The following TCERG1L variants were observed in gnomAD, a reference collection of about 807,000 sequenced individuals.
TCERG1L encodes transcription elongation regulator 1 like, also known as transcription elongation regulator 1-like protein.
Under a neutral mutation model 56.3 loss-of-function variants are expected in TCERG1L, and 37 were observed. The observed-to-expected ratio is 0.66, with a 90% confidence interval of 0.51 to 0.87. The LOEUF is 0.87. Ranked by LOEUF, TCERG1L falls within the 40% of genes least tolerant of loss-of-function variation. The pLI, the probability that TCERG1L is intolerant of heterozygous loss-of-function variation, is 0.00. For missense variants in TCERG1L, 799 were observed against 774.2 expected (o/e 1.03, Z -0.38); for synonymous variants, 324 against 326.3 (o/e 0.99, Z 0.08).
rs184316016 is a variant in TCERG1L at position 131,267,345 on chromosome 10, G to A, written c.671-6901C>T. Among the ~76,000 whole-genome samples, 1 of 152,174 alleles carries A rather than the reference G, an allele frequency of 6.6e-6. No individual in the cohort carries two copies. The highest frequency in any genetic ancestry group is 2.4e-5 in the African/African-American group (1 of 41,440). Reference sequence around the variant, plus strand: ...GGATCGGAGTAAGCACTGGAAGCAGGGAGAGGCCAGGCAGCAGGAGCAGAT... The same window carrying A: ...GGATCGGAGTAAGCACTGGAAGCAGAGAGAGGCCAGGCAGCAGGAGCAGAT... On this transcript the variant is annotated intron_variant, in intron 3 of 11. Coordinates refer to ENST00000368642, the MANE Select transcript of TCERG1L (RefSeq NM_174937.4). The surrounding 1 kb of genome is among the most constrained non-coding windows in gnomAD (Gnocchi z 4.9).
chr10:131,242,362 G>GT (rs1291043406), intron 4 of TCERG1L, among the ~76,000 whole-genome samples: 17 of 152,334 alleles, frequency 1.1e-4, no homozygotes, highest in African/African-American at 4.1e-4. Flanking sequence ...TTGGCAATGT[G>GT]TAAGAGAAAG....
intron 4 of TCERG1L, among the ~76,000 whole-genome samples, chr10:131,199,564 T>G (rs935161242): frequency 1.3e-5 from 2 of 152,152 alleles, no homozygotes; most frequent in African/African-American, 4.8e-5. Flanking sequence ...AAATAAACTT[T>G]TTATCTGAGG....
intron 4 of TCERG1L, among the ~76,000 whole-genome samples, chr10:131,186,242 GT>G (rs1241332613): frequency 2.0e-5 from 3 of 151,908 alleles, no homozygotes; most frequent in South Asian, 2.1e-4. Context: ...CCAGTAAGGA[GT>G]TTTTTTTCAG....
chr10:131,223,393 G>A (rs895973775), intron 4 of TCERG1L, among the ~76,000 whole-genome samples: 1 of 152,220 alleles, frequency 6.6e-6, no homozygotes, highest in Non-Finnish European at 1.5e-5. Context: ...CCTTTTGGTT[G>A]CCAAAGCTTG....
At chr10:131,239,766 G>C (rs1845951682) in intron 4 of TCERG1L, among the ~76,000 whole-genome samples, 1 of 152,252 alleles carries the variant, frequency 6.6e-6, no homozygotes, top group East Asian at 1.9e-4. Flanking sequence ...CCCGCATAAA[G>C]GGGATCGTAT....
At chr10:131,167,975 C>T (rs1846049892) in intron 4 of TCERG1L, among the ~76,000 whole-genome samples, 1 of 152,152 alleles carries the variant, frequency 6.6e-6, no homozygotes, top group Non-Finnish European at 1.5e-5. Flanking sequence ...TAGATAAGTT[C>T]TCAAAGGAAA....
chr10:131,311,379 G>A lies in TCERG1L; in HGVS notation c.257C>T (p.Pro86Leu). ...GLPGWPAPSE[P>L]VLPLLPLPSA... ...GGGCAGCGGCAGCAGCGGGAGCACC[G>A]GCTCGCTCGGGGCCGGCCAGCCGGG... The change falls in exon 1 of 12, where the codon CCG (proline) becomes CTG (leucine). Residue 86 changes from proline to leucine, a missense_variant. By Grantham distance (98) the Pro-to-Leu change is moderately conservative. Transcript: ENST00000368642. The surrounding 1 kb of genome is among the most constrained non-coding windows in gnomAD (Gnocchi z 4.0). The A allele has an allele frequency of 2.5e-6, 3 of 1,193,136 alleles. No homozygotes were observed. Among genetic ancestry groups the A allele is most frequent in the Non-Finnish European group, 3.1e-6 (3 of 964,552 alleles). 73.9% of individuals were successfully genotyped at this position (1,193,136 alleles called of 1,614,324 possible).
chr10:131,134,533 A>T, intron 7 of TCERG1L, 85 bp from the exon 8 acceptor site: 1 of 979,680 alleles, frequency 1.0e-6, no homozygotes, highest in Non-Finnish European at 1.6e-6. Context: ...ACTTTCAAGT[A>T]GACTTATCTA....
At chr10:131,148,673 A>AGGCTGGAGAAAGGAATCACG (rs577737473) in intron 6 of TCERG1L, among the ~76,000 whole-genome samples, 40,832 of 151,788 alleles carry the variant, frequency 0.27, 6,057 homozygotes, top group Admixed American at 0.36. Context: ...CCTGGCCTTG[A>AGGCTGGAGAAAGGAATCACG]GGCTGGAGAA....
chr10:131,223,065 C>T (rs1334389436), intron 4 of TCERG1L, among the ~76,000 whole-genome samples: 1 of 152,170 alleles, frequency 6.6e-6, no homozygotes, highest in Non-Finnish European at 1.5e-5. Context: ...TCTTAGTGCC[C>T]CTGATCAACC....
chr10:131,112,239 C>T (rs1481075632), intron 9 of TCERG1L, among the ~76,000 whole-genome samples: 1 of 142,912 alleles, frequency 7.0e-6, no homozygotes, highest in Non-Finnish European at 1.6e-5. Context: ...CCCCTGTCCC[C>T]GAGCTCTGTC....
intron 3 of TCERG1L, among the ~76,000 whole-genome samples, chr10:131,275,888 C>T (rs1335307761): frequency 1.3e-5 from 2 of 152,152 alleles, no homozygotes; most frequent in Non-Finnish European, 2.9e-5. Flanking sequence ...TGGACGTGGA[C>T]GCCTGGGCAT....
At chr10:131,123,549 G>C (rs896289883) in intron 8 of TCERG1L, among the ~76,000 whole-genome samples, 5 of 152,170 alleles carry the variant, frequency 3.3e-5, no homozygotes, top group Non-Finnish European at 1.5e-5. Context: ...AGAGGTCTGC[G>C]AGGATGCAGA....
At position 131,260,187 on chromosome 10, in the gene TCERG1L, G is replaced by A. The variant is rs1038018288; in HGVS notation, c.856+72C>T. ...CCACAGCGCCTGGGCCCAGGCCAGG[G>A]GCATCTAACCAGGAAGCCTCCGCGC... On this transcript the variant is annotated intron_variant, in intron 4 of 11. Coordinates refer to ENST00000368642, the MANE Select transcript of TCERG1L (RefSeq NM_174937.4). The surrounding 1 kb of genome is among the most constrained non-coding windows in gnomAD (Gnocchi z 5.8). 1.6e-6 allele frequency: 2 copies of A among 1,268,790 alleles called. No homozygotes were observed. The highest frequency in any genetic ancestry group is 2.0e-6 in the Non-Finnish European group (2 of 1,006,292). 78.6% of individuals were successfully genotyped at this position (1,268,790 alleles called of 1,614,324 possible).
chr10:131,272,124 C>T (rs1219204523), intron 3 of TCERG1L, among the ~76,000 whole-genome samples: 2 of 152,144 alleles, frequency 1.3e-5, no homozygotes, highest in African/African-American at 4.8e-5. Flanking sequence ...GCAGGGACTC[C>T]GTCAACAGCA....
Position 131,311,182 on chromosome 10 carries a change from G to C in TCERG1L, c.342+112C>G, listed in dbSNP as rs903205474. 25 of 874,788 alleles carry C rather than the reference G, an allele frequency of 2.9e-5. No individual in the cohort carries two copies. Among genetic ancestry groups the C allele is most frequent in the South Asian group, 5.6e-5 (1 of 17,970 alleles). 54.2% of individuals were successfully genotyped at this position (874,788 alleles called of 1,614,324 possible). A position where few individuals can be genotyped will look rare whatever the true frequency, so the allele number is the denominator to read the frequency against. ...CGTCCTGAGGGTTTGGGGCGGCGAG[G>C]ACCGCCGGGGAGGAGGGCGCGCGAG... is the stretch of plus-strand genomic sequence containing the variant. On this transcript the variant is annotated intron_variant, in intron 1 of 11. Transcript: ENST00000368642. The surrounding 1 kb of genome is among the most constrained non-coding windows in gnomAD (Gnocchi z 4.0).
intron 4 of TCERG1L, among the ~76,000 whole-genome samples, chr10:131,240,250 A>T (rs1053964775): frequency 6.6e-6 from 1 of 152,176 alleles, no homozygotes; most frequent in Non-Finnish European, 1.5e-5. Context: ...GCAGCTGAGC[A>T]TCAGATCCCT....
intron 9 of TCERG1L, among the ~76,000 whole-genome samples, chr10:131,109,331 G>C (rs1257801209): frequency 6.6e-6 from 1 of 152,152 alleles, no homozygotes; most frequent in African/African-American, 2.4e-5. Flanking sequence ...CTGACGAACA[G>C]TGACAGTGAT....
In TCERG1L at chr10:131,230,584, G is replaced by A. The variant is rs534823671; in HGVS notation, c.856+29675C>T. On this transcript the variant is annotated intron_variant, in intron 4 of 11. Transcript: ENST00000368642. ...GGGCCCAGATTACAGGAGAGGCTGA[G>A]TCAAATCGTATCTCAGCTAAGCCTC... 3.3e-5 allele frequency among the ~76,000 whole-genome samples: 5 copies of A among 152,364 alleles called. No homozygotes were observed. In the East Asian group the frequency reaches 5.8e-4, roughly 18 times the overall value.
Sources: gnomAD v4.1 joint callset for allele counts (sites outside exome capture counted in the v4.1 genomes callset) on GRCh38, gnomAD v4.1.1 for gene constraint, Gnocchi (gnomAD v3.1) non-coding constraint, MANE v1.5 for transcripts, NCBI Gene and HGNC (gene_info 2026-07-23, HGNC 2026-07-21) for gene names.